The following CDKAL1 variants were observed in gnomAD, a reference collection of about 807,000 sequenced individuals.
The protein encoded by CDKAL1 is CDKAL1 threonylcarbamoyladenosine tRNA methylthiotransferase, also known as threonylcarbamoyladenosine tRNA methylthiotransferase.
A neutral mutation model predicts 68.2 loss-of-function variants in CDKAL1; 32 were observed. The observed-to-expected ratio is 0.47, with a 90% confidence interval of 0.35 to 0.63. CDKAL1 has a LOEUF of 0.63. CDKAL1 is among the 30% of genes least tolerant of loss of function. The probability of loss-of-function intolerance (pLI) is 0.00; values close to 1 mark genes in which losing one functional copy is unlikely to be tolerated. For synonymous variants in CDKAL1, 234 were observed against 244.3 expected, an observed-to-expected ratio of 0.96 and a Z score of 0.39; for missense variants, 606 against 696.7, an observed-to-expected ratio of 0.87 and a Z score of 1.47.
At chr6:20,766,051 A>C (rs7751154) in intron 7 of CDKAL1, among the ~76,000 whole-genome samples, 67,347 of 152,006 alleles carry the variant, frequency 0.44, 15,165 homozygotes, top group South Asian at 0.51. Flanking sequence ...AACACAAATG[A>C]ATGCCTAAAT....
At chr6:21,012,543 T>G (rs1455459682) in intron 11 of CDKAL1, among the ~76,000 whole-genome samples, 1 of 152,022 alleles carries the variant, frequency 6.6e-6, no homozygotes, top group South Asian at 2.1e-4. Context: ...TAAAATAGAA[T>G]GGAAATAAGA....
At chr6:21,126,939 A>G (rs1775042110) in intron 13 of CDKAL1, among the ~76,000 whole-genome samples, 3 of 152,256 alleles carry the variant, frequency 2.0e-5, no homozygotes, top group African/African-American at 7.2e-5. Flanking sequence ...TATATTGACT[A>G]TTTTCAGGCT....
chr6:20,573,272 A>C (rs1204580141), intron 4 of CDKAL1, among the ~76,000 whole-genome samples: 1 of 152,158 alleles, frequency 6.6e-6, no homozygotes, highest in African/African-American at 2.4e-5. Flanking sequence ...TGTATTAAGA[A>C]TATGTAGTAT....
intron 5 of CDKAL1, among the ~76,000 whole-genome samples, chr6:20,730,089 A>G (rs1031891721): frequency 2.6e-5 from 4 of 151,912 alleles, no homozygotes; most frequent in African/African-American, 9.6e-5. Flanking sequence ...GGATGCCGAG[A>G]TGGACAGATC....
rs545627968 is a variant in CDKAL1 at position 21,007,094 on chromosome 6, AT to A, written c.1055+6727del. Among the ~76,000 whole-genome samples, 314 of 152,244 alleles carry A rather than the reference AT, an allele frequency of 2.1e-3. 1 individual carries two copies. Among genetic ancestry groups the A allele is most frequent in the African/African-American group, 7.4e-3 (306 of 41,538 alleles). On this transcript the variant is annotated intron_variant, in intron 11 of 15. Coordinates refer to ENST00000274695, the MANE Select transcript of CDKAL1 (RefSeq NM_017774.3). The stretch of plus-strand genomic sequence containing the variant: ...ACTTAGCAAAGTACATAGGGTTAGT[AT>A]TTTTAATTTGCATTTTATAAAACAA...
At chr6:20,657,607 G>C (rs558214081) in intron 5 of CDKAL1, among the ~76,000 whole-genome samples, 2 of 152,222 alleles carry the variant, frequency 1.3e-5, no homozygotes, top group South Asian at 4.1e-4. Flanking sequence ...GGGATTTACT[G>C]TCTTTCATGT....
intron 15 of CDKAL1, among the ~76,000 whole-genome samples, chr6:21,202,497 T>C (rs1778732285): frequency 6.6e-6 from 1 of 152,350 alleles, no homozygotes; most frequent in African/African-American, 2.4e-5. Context: ...GCTTTTGATA[T>C]GTTAGCCAAT....
chr6:20,811,687 G>A (rs979784656), intron 8 of CDKAL1, among the ~76,000 whole-genome samples: 1 of 151,510 alleles, frequency 6.6e-6, no homozygotes, highest in Non-Finnish European at 1.5e-5. Flanking sequence ...TCATAACAGG[G>A]TCTCATGTCT....
At chr6:20,561,428 C>A in intron 4 of CDKAL1, among the ~76,000 whole-genome samples, 1 of 108,150 alleles carries the variant, frequency 9.2e-6, no homozygotes, top group Non-Finnish European at 1.7e-5. Context: ...GGCGACAGAG[C>A]AAGACCATCT....
chr6:20,555,411 C>A (rs1763995085), intron 4 of CDKAL1, among the ~76,000 whole-genome samples: 2 of 151,166 alleles, frequency 1.3e-5, no homozygotes, highest in Non-Finnish European at 2.9e-5. Context: ...TCCTCCGCCT[C>A]CTGAGTTCAA....
intron 6 of CDKAL1, chr6:20,755,978 A>C (rs1207174528): frequency 6.6e-6 from 1 of 152,140 alleles, no homozygotes; most frequent in Non-Finnish European, 1.5e-5. Flanking sequence ...AACAGGTGGG[A>C]ATTTGCTTAG....
chr6:20,971,255 T>A (rs185238849), intron 10 of CDKAL1, among the ~76,000 whole-genome samples: 118 of 152,378 alleles, frequency 7.7e-4, no homozygotes, highest in Non-Finnish European at 1.3e-3. Flanking sequence ...TCTTTCATGA[T>A]GTCAAAGCTG....
chr6:21,127,516 G>A (rs149659472), intron 13 of CDKAL1, among the ~76,000 whole-genome samples: 180 of 152,282 alleles, frequency 1.2e-3, no homozygotes, highest in African/African-American at 3.4e-3. Context: ...TTGGGAGGCC[G>A]AGGTCAGCAG....
intron 10 of CDKAL1, among the ~76,000 whole-genome samples, chr6:20,964,742 A>C (rs1027408255): frequency 1.3e-5 from 2 of 152,114 alleles, no homozygotes; most frequent in African/African-American, 4.8e-5. Context: ...CCCCCATGAC[A>C]CAAGTTTACC....
chr6:20,847,143 T>C (rs1240217941), intron 9 of CDKAL1, among the ~76,000 whole-genome samples: 2 of 152,190 alleles, frequency 1.3e-5, no homozygotes, highest in African/African-American at 2.4e-5. Flanking sequence ...TATTGATGCC[T>C]CCCAACAGTT....
Position 21,214,269 on chromosome 6 carries a change from T to C in CDKAL1, c.1548+12995T>C, listed in dbSNP as rs561988219. ...GGTTGCACAACATGGTAAATATAAT[T>C]AATGCCACTAAATTGTGTACTTCAA... On this transcript the variant is annotated intron_variant, in intron 15 of 15. Transcript: ENST00000274695. Among the ~76,000 whole-genome samples, 270 of 152,160 alleles carry C rather than the reference T, an allele frequency of 1.8e-3. 7 individuals carry two copies. The South Asian group carries it at 0.041, about 23-fold the overall frequency.
chr6:20,847,283 C>G (rs1343003658), intron 9 of CDKAL1, among the ~76,000 whole-genome samples: 1 of 152,114 alleles, frequency 6.6e-6, no homozygotes, highest in Non-Finnish European at 1.5e-5. Context: ...ATTGTCTAAT[C>G]TAAGAAAAAG....
At chr6:20,722,926 C>A (rs967044285) in intron 5 of CDKAL1, among the ~76,000 whole-genome samples, 1 of 152,072 alleles carries the variant, frequency 6.6e-6, no homozygotes, top group Non-Finnish European at 1.5e-5. Context: ...CTTCCCATCC[C>A]CTCTCCACCT....
intron 6 of CDKAL1, among the ~76,000 whole-genome samples, chr6:20,751,284 ATG>A (rs1194408907): frequency 6.6e-6 from 1 of 152,072 alleles, no homozygotes; most frequent in African/African-American, 2.4e-5. Context: ...TTTGAGATGT[ATG>A]TTCATTTCCT....
Sources: allele counts gnomAD v4.1 joint callset (sites outside exome capture counted in the v4.1 genomes callset), GRCh38; gene constraint gnomAD v4.1.1; transcripts MANE v1.5; gene names NCBI Gene and HGNC (gene_info 2026-07-23, HGNC 2026-07-21).